Variants in POLR3H observed in about 807,000 individuals in gnomAD.
The protein encoded by POLR3H is DNA-directed RNA polymerase III subunit RPC8.
POLR3H carries 17 observed loss-of-function variants against 25.5 expected under a neutral mutation model. The observed-to-expected ratio is 0.67, with a 90% CI of 0.46 to 1.00. The LOEUF (loss-of-function observed/expected upper bound fraction) is 1.00. Among genes scored for constraint, POLR3H ranks in the 50% least tolerant of loss-of-function variants. The probability of loss-of-function intolerance (pLI) is 0.00; values close to 1 mark genes in which losing one functional copy is unlikely to be tolerated. For missense variants in POLR3H, 274 were observed against 265.0 expected (o/e 1.03, Z -0.24); for synonymous variants, 129 against 103.0 (o/e 1.25, Z -1.53).
At chr22:41,542,933 G>A (rs2145576535) in intron 1 of POLR3H, among the ~76,000 whole-genome samples, 1 of 152,276 alleles carries the variant, frequency 6.6e-6, no homozygotes, top group Admixed American at 6.5e-5. Context: ...AACCTGGGAG[G>A]TGGAGGTTGC....
intron 4 of POLR3H, among the ~76,000 whole-genome samples, chr22:41,531,194 A>G (rs747794882): frequency 3.9e-5 from 6 of 152,176 alleles, no homozygotes; most frequent in Non-Finnish European, 8.8e-5. Context: ...CCCACCTCTC[A>G]AGACAAGAGC....
At chr22:41,542,285 T>C (rs1345738070) in intron 1 of POLR3H, among the ~76,000 whole-genome samples, 2 of 152,126 alleles carry the variant, frequency 1.3e-5, no homozygotes, top group Non-Finnish European at 2.9e-5. Flanking sequence ...GGCTTCACCA[T>C]GTTGGACAGG....
chr22:41,530,534 TCTC>T (rs2034967780), intron 5 of POLR3H, among the ~76,000 whole-genome samples, 150 bp downstream of exon 5: 1 of 151,924 alleles, frequency 6.6e-6, no homozygotes, highest in Non-Finnish European at 1.5e-5. Context: ...AAACTCAGGC[TCTC>T]CAGGGAGAAG....
In POLR3H at chr22:41,527,989, C is replaced by T. The variant is rs1490787754; in HGVS notation, c.*1294G>A. The stretch of plus-strand genomic sequence containing the variant: ...AGATTCACCCTGTGGACAAGCTGAC[C>T]ATTCAGGGCCTGAAGGACTTCACCC... On this transcript the variant is annotated 3_prime_UTR_variant, in exon 6 of 6. Transcript: ENST00000355209. 6.2e-7 allele frequency: 1 copy of T among 1,614,174 alleles called. No individual in the cohort carries two copies.
At chr22:41,536,070 A>G (rs933659889) in intron 2 of POLR3H, among the ~76,000 whole-genome samples, 2 of 146,430 alleles carry the variant, frequency 1.4e-5, no homozygotes, top group Non-Finnish European at 3.0e-5. Context: ...GACTACAGGC[A>G]TGAGCCACCA....
At chr22:41,532,563 G>A (rs765659312) in intron 3 of POLR3H, 96 bp downstream of exon 3, 50 of 1,597,432 alleles carry the variant, frequency 3.1e-5, no homozygotes, top group South Asian at 1.3e-4. Context: ...GTTCGGCCTC[G>A]ACACCTGAGC....
intron 2 of POLR3H, among the ~76,000 whole-genome samples, chr22:41,536,623 T>TG (rs2066852077): frequency 6.6e-6 from 1 of 150,964 alleles, no homozygotes; most frequent in Non-Finnish European, 1.5e-5. Context: ...CCCAGCACTT[T>TG]GGGAGGCCAA....
chr22:41,529,281 G>A lies in POLR3H; in HGVS notation c.*2C>T, dbSNP rs748747640. ...GGTAGGGTCCACTGTCCAGCCCCAGGGCTAGTTGCTGGTCCACCAGGAGAG... is the reference window on the plus strand; with the variant it reads ...GGTAGGGTCCACTGTCCAGCCCCAGAGCTAGTTGCTGGTCCACCAGGAGAG... On this transcript the variant is annotated 3_prime_UTR_variant, in exon 6 of 6. Coordinates refer to ENST00000355209, the MANE Select transcript of POLR3H (RefSeq NM_001018050.4). The A allele has an allele frequency of 3.7e-5, 60 of 1,612,968 alleles. No individual in the cohort carries two copies. The highest frequency in any genetic ancestry group is 2.7e-5 in the African/African-American group (2 of 74,954).
Position 41,528,381 on chromosome 22 carries a change from T to C in POLR3H, c.*902A>G. The C allele has an allele frequency of 6.6e-7, 1 of 1,515,212 alleles. No homozygotes were observed. Among genetic ancestry groups the C allele is most frequent in the Non-Finnish European group, 8.9e-7 (1 of 1,126,532 alleles). 93.9% of individuals were successfully genotyped at this position (1,515,212 alleles called of 1,614,324 possible). On this transcript the variant is annotated 3_prime_UTR_variant, in exon 6 of 6. Transcript: ENST00000355209. The stretch of plus-strand genomic sequence containing the variant: ...AGGATTTGGTTTGCCTGCTGACCTC[T>C]TAGGTCCCCAGGCAGTGCCCTGTCT...
chr22:41,527,169 C>T lies in POLR3H; in HGVS notation c.*2114G>A. 6.6e-7 allele frequency: 1 copy of T among 1,504,660 alleles called. No homozygotes were observed. Among genetic ancestry groups the T allele is most frequent in the Non-Finnish European group, 9.1e-7 (1 of 1,096,884 alleles). The allele number at this position is 1,504,660 out of a possible 1,614,324, so 93.2% of individuals were successfully genotyped here. A position where few individuals can be genotyped will look rare whatever the true frequency, so the allele number is the denominator to read the frequency against. On this transcript the variant is annotated 3_prime_UTR_variant, in exon 6 of 6. Coordinates refer to ENST00000355209, the MANE Select transcript of POLR3H (RefSeq NM_001018050.4). ...AGGCGAGGAAGGGCCCCTCCAGCCC[C>T]TTTACCGGGAGCCTCAGGATGCCCA...
At position 41,527,488 on chromosome 22, in the gene POLR3H, C is replaced by T. The variant is rs770344074; in HGVS notation, c.*1795G>A. ...AGTGATCAAGGTCACTCTCCCTGCC[C>T]GTGGCTGAGTTGGGCCTGGTTCTAG... On this transcript the variant is annotated 3_prime_UTR_variant, in exon 6 of 6. Coordinates refer to ENST00000355209, the MANE Select transcript of POLR3H (RefSeq NM_001018050.4). 5.6e-5 allele frequency: 87 copies of T among 1,543,074 alleles called. No homozygotes were observed. The highest frequency in any genetic ancestry group is 4.8e-4 in the Middle Eastern group (2 of 4,168).
rs769005202 is a variant in POLR3H at position 41,528,047 on chromosome 22, G to A, written c.*1236C>T. On this transcript the variant is annotated 3_prime_UTR_variant, in exon 6 of 6. Coordinates refer to ENST00000355209, the MANE Select transcript of POLR3H (RefSeq NM_001018050.4). The stretch of plus-strand genomic sequence containing the variant: ...GGTTAGGGGCCCGGGTCCCCCTGAG[G>A]TGGTGGGGTGAGGGGCAGCCACCTT... 8.7e-5 allele frequency: 140 copies of A among 1,613,796 alleles called. No individual in the cohort carries two copies. The highest frequency in any genetic ancestry group is 1.2e-4 in the Non-Finnish European group (137 of 1,179,988).
intron 2 of POLR3H, among the ~76,000 whole-genome samples, chr22:41,535,578 G>A (rs1048642288): frequency 5.3e-5 from 8 of 152,364 alleles, no homozygotes; most frequent in Admixed American, 4.6e-4. Context: ...TGTAATCCCA[G>A]AACTTTGGGA....
At chr22:41,529,558 G>A (rs2066679996) in intron 5 of POLR3H, 2 of 689,146 alleles carry the variant, frequency 2.9e-6, no homozygotes, top group Non-Finnish European at 5.3e-6. Flanking sequence ...GCCCTGATAG[G>A]GTCAGGGACC....
rs1156468704 is a variant in POLR3H at position 41,532,704 on chromosome 22, T to C, written c.250A>G (p.Ile84Val). Residue 84 changes from isoleucine to valine, a missense_variant, in exon 3 of 6, where the codon ATT becomes GTT. By Grantham distance (29) the Ile-to-Val change is conservative (BLOSUM62 3). Transcript: ENST00000355209. ...CAGCCTTTGATCTTCCCAATGAGAA[T>C]CTCATCTAGGAATGGATGAAACACC... ...CVVFHPFLDE[I>V]LIGKIKGCSP... The C allele has an allele frequency of 6.2e-7, 1 of 1,613,942 alleles. No homozygotes were observed. The highest frequency in any genetic ancestry group is 2.2e-5 in the East Asian group (1 of 44,872).
chr22:41,540,676 C>G, intron 2 of POLR3H, 23 bp downstream of exon 2: 1 of 1,573,424 alleles, frequency 6.4e-7, no homozygotes. Context: ...AAGCCCAATG[C>G]CCCAGGGACA....
At chr22:41,536,087 C>T (rs567843259) in intron 2 of POLR3H, among the ~76,000 whole-genome samples, 4 of 148,272 alleles carry the variant, frequency 2.7e-5, no homozygotes, top group African/African-American at 4.9e-5. Context: ...ACCATATCTG[C>T]CCCGTGAAAA....
rs112657542 is a variant in POLR3H at position 41,528,981 on chromosome 22, G to A, written c.*302C>T. On this transcript the variant is annotated 3_prime_UTR_variant, in exon 6 of 6. Transcript: ENST00000355209. ...AAACAAGAATCCAAAACCAGTGACTGTTCTGTGAGTGATTGGTGTCTGTGC... is the reference window on the plus strand; with the variant it reads ...AAACAAGAATCCAAAACCAGTGACTATTCTGTGAGTGATTGGTGTCTGTGC... The A allele has an allele frequency of 2.7e-3, 1,448 of 533,280 alleles. 9 individuals carry two copies. The highest frequency in any genetic ancestry group is 4.2e-3 in the Non-Finnish European group (1,267 of 302,396). 33.0% of individuals were successfully genotyped at this position (533,280 alleles called of 1,614,324 possible).
chr22:41,526,873 G>A lies in POLR3H; in HGVS notation c.*2410C>T. 1 of 312,154 alleles carries A rather than the reference G, an allele frequency of 3.2e-6. No homozygotes were observed. The highest frequency in any genetic ancestry group is 6.0e-6 in the Non-Finnish European group (1 of 166,806). The allele number at this position is 312,154 out of a possible 1,614,324, so 19.3% of individuals were successfully genotyped here. ...AGGGCTGAACCCAAGTCCTGGCCCA[G>A]CCGGGTGAAAGGACTCTGGCACCCC... On this transcript the variant is annotated 3_prime_UTR_variant, in exon 6 of 6. Coordinates refer to ENST00000355209, the MANE Select transcript of POLR3H (RefSeq NM_001018050.4).
Sources: allele counts gnomAD v4.1 joint callset (sites outside exome capture counted in the v4.1 genomes callset), GRCh38; gene constraint gnomAD v4.1.1; transcripts MANE v1.5; gene names NCBI Gene and HGNC (gene_info 2026-07-23, HGNC 2026-07-21).